The following CR2 variants were observed in gnomAD, a reference collection of about 807,000 sequenced individuals.
CR2 encodes complement receptor type 2.
A neutral mutation model predicts 123.0 loss-of-function variants in CR2; 96 were observed. The observed-to-expected ratio is 0.78, with a 90% CI of 0.66 to 0.93. CR2 has a LOEUF of 0.93. CR2 is among the 40% of genes least tolerant of loss of function. CR2 has a pLI of 0.00. For synonymous variants in CR2, 484 were observed against 469.5 expected (o/e 1.03, Z -0.40); for missense variants, 1,258 against 1,361.0 (o/e 0.92, Z 1.19).
chr1:207,487,571 GT>G (rs934451222), intron 19 of CR2, among the ~76,000 whole-genome samples: 2 of 152,142 alleles, frequency 1.3e-5, no homozygotes, highest in Non-Finnish European at 2.9e-5. Context: ...CTCTTTCTAG[GT>G]TTTTTTCTAT....
In CR2 at chr1:207,475,233, G is replaced by A. The variant is rs1449954370; in HGVS notation, c.2716+17G>A. On this transcript the variant is annotated intron_variant, in intron 14 of 19. Coordinates refer to ENST00000367057, the MANE Select transcript of CR2 (RefSeq NM_001006658.3). ...TCAAAAAAGGTAAGATACTTGGAAG[G>A]GATAAGTTATGGGATGTTGTACAGA... 1 of 1,613,590 alleles carries A rather than the reference G, an allele frequency of 6.2e-7. No homozygotes were observed. The highest frequency in any genetic ancestry group is 2.2e-5 in the East Asian group (1 of 44,878).
chr1:207,455,475 A>G (rs1170630748), intron 1 of CR2, among the ~76,000 whole-genome samples: 1 of 152,236 alleles, frequency 6.6e-6, no homozygotes, highest in Non-Finnish European at 1.5e-5. Flanking sequence ...CCTCCTGTAC[A>G]GACTTGATTT....
chr1:207,461,753 A>G (rs1289374677), intron 1 of CR2, among the ~76,000 whole-genome samples: 1 of 152,168 alleles, frequency 6.6e-6, no homozygotes, highest in Non-Finnish European at 1.5e-5. Context: ...TCACCTCCCT[A>G]GAGATCTTCA....
At chr1:207,482,741 G>A (rs377461756) in intron 18 of CR2, among the ~76,000 whole-genome samples, 6 of 152,264 alleles carry the variant, frequency 3.9e-5, no homozygotes, top group South Asian at 4.1e-4. Flanking sequence ...AAGTTTCAGC[G>A]TGGAAGAGAT....
rs894492595 is a variant in CR2, at chr1:207,470,590, A to G, written c.1226-150A>G. Reference sequence around the variant, plus strand: ...AAAGATTGGGAAACTGTGATCTAAAATTACCCAAAGCTGGTCTGCAACATA... The same window carrying G: ...AAAGATTGGGAAACTGTGATCTAAAGTTACCCAAAGCTGGTCTGCAACATA... On this transcript the variant is annotated intron_variant, in intron 6 of 19. Coordinates refer to ENST00000367057, the MANE Select transcript of CR2 (RefSeq NM_001006658.3). 4.0e-6 allele frequency: 3 copies of G among 742,294 alleles called. No homozygotes were observed. In the Admixed American group the frequency reaches 7.6e-5, roughly 19 times the overall value. 46.0% of individuals were successfully genotyped at this position (742,294 alleles called of 1,614,324 possible).
At chr1:207,459,450 C>A (rs1657914986) in intron 1 of CR2, among the ~76,000 whole-genome samples, 2 of 152,010 alleles carry the variant, frequency 1.3e-5, no homozygotes, top group Non-Finnish European at 2.9e-5. Flanking sequence ...TTATCAGTCT[C>A]AATAATGATT....
At chr1:207,477,652 T>C (rs1658479359) in intron 15 of CR2, among the ~76,000 whole-genome samples, 2 of 152,108 alleles carry the variant, frequency 1.3e-5, no homozygotes, top group Non-Finnish European at 2.9e-5. Flanking sequence ...GGATAGAAAC[T>C]GAAGCAAAAA....
At position 207,461,455 on chromosome 1, in the gene CR2, A is replaced by G. The variant is rs1248977317; in HGVS notation, c.59-5071A>G. Among the ~76,000 whole-genome samples the G allele has an allele frequency of 5.3e-5, 8 of 152,176 alleles. No homozygotes were observed. In the South Asian group the frequency reaches 1.0e-3, roughly 20 times the overall value. On this transcript the variant is annotated intron_variant, in intron 1 of 19. Coordinates refer to ENST00000367057, the MANE Select transcript of CR2 (RefSeq NM_001006658.3). The stretch of plus-strand genomic sequence containing the variant: ...TCTGTGTATATTCACCCTTACTGCA[A>G]TGATATGCATTCTTCATTCCATAAA...
chr1:207,487,062 G>C (rs747180386), intron 19 of CR2, among the ~76,000 whole-genome samples: 2 of 152,142 alleles, frequency 1.3e-5, no homozygotes, highest in South Asian at 2.1e-4. Context: ...AAAAAGAAAA[G>C]GTCCAAGTAC....
At chr1:207,458,977 A>ATATT (rs904298534) in intron 1 of CR2, among the ~76,000 whole-genome samples, 3 of 151,996 alleles carry the variant, frequency 2.0e-5, no homozygotes, top group African/African-American at 7.2e-5. Flanking sequence ...AAAAAAAAAG[A>ATATT]TATTTGTTTG....
chr1:207,461,468 T>C (rs1657964420), intron 1 of CR2, among the ~76,000 whole-genome samples: 2 of 152,206 alleles, frequency 1.3e-5, no homozygotes, highest in South Asian at 4.1e-4. Flanking sequence ...ATATGCATTC[T>C]TCATTCCATA....
intron 17 of CR2, 84 bp from the exon 18 acceptor site, chr1:207,479,894 C>G (rs753295489): frequency 3.1e-6 from 3 of 968,850 alleles, no homozygotes; most frequent in Middle Eastern, 2.1e-4. Flanking sequence ...TTTTCCCCAC[C>G]ACTAGCAATA....
At chr1:207,459,694 C>CA (rs1657921800) in intron 1 of CR2, among the ~76,000 whole-genome samples, 2 of 152,286 alleles carry the variant, frequency 1.3e-5, no homozygotes, top group Non-Finnish European at 2.9e-5. Context: ...ATCTTCAATC[C>CA]AGTCATGATC....
At position 207,468,703 on chromosome 1, in the gene CR2, C is replaced by T. The variant is rs769415969; in HGVS notation, c.622C>T (p.Pro208Ser). 1.3e-5 allele frequency: 21 copies of T among 1,613,990 alleles called. No homozygotes were observed. Among genetic ancestry groups the T allele is most frequent in the South Asian group, 3.3e-5 (3 of 91,082 alleles). The change falls in exon 3 of 20, where the codon CCC (proline) becomes TCC (serine). Residue 208 changes from proline to serine, a missense_variant. Coordinates refer to ENST00000367057, the MANE Select transcript of CR2 (RefSeq NM_001006658.3). ...TTCGGGAAAATGGAGTGCTGTCCCC[C>T]CCACATGTGAAGGTACCCTAAATTT... The part of the protein sequence containing the change: ...LSSGKWSAVP[P>S]TCEEARCKSL...
intron 19 of CR2, among the ~76,000 whole-genome samples, chr1:207,488,937 A>G (rs1161396275): frequency 6.6e-6 from 1 of 152,222 alleles, no homozygotes; most frequent in East Asian, 1.9e-4. Context: ...TGTTTATATG[A>G]ATGTATATAA....
At chr1:207,460,142 C>T (rs553168839) in intron 1 of CR2, among the ~76,000 whole-genome samples, 10 of 152,254 alleles carry the variant, frequency 6.6e-5, no homozygotes, top group African/African-American at 2.4e-4. Flanking sequence ...AGTCACTTGA[C>T]TAGAGTCACT....
chr1:207,471,101 G>A lies in CR2; in HGVS notation c.1493+14G>A. The A allele has an allele frequency of 6.2e-7, 1 of 1,612,440 alleles. No homozygotes were observed. Among genetic ancestry groups the A allele is most frequent in the Non-Finnish European group, 8.5e-7 (1 of 1,178,940 alleles). ...TTGTGGTGAAGGGTGAGTGAAGGCT[G>A]ACTTAGTCTGACCCAATTCCGGTGT... On this transcript the variant is annotated intron_variant, in intron 8 of 19. Coordinates refer to ENST00000367057, the MANE Select transcript of CR2 (RefSeq NM_001006658.3).
chr1:207,475,024 C>T lies in CR2; in HGVS notation c.2524C>T (p.Pro842Ser), dbSNP rs759726055. The change falls in exon 14 of 20, where the codon CCT (proline) becomes TCT (serine). Residue 842 changes from proline to serine, a missense_variant. Physicochemically the swap from Pro to Ser is moderately conservative, Grantham distance 74 (BLOSUM62 -1). Transcript: ENST00000367057. ...GCCTTCCCCACAGTGCTTACGATCT[C>T]CTCCTGTGACTCGCTGCCCTAATCC... is the stretch of plus-strand genomic sequence containing the variant. ...SGPSPQCLRS[P>S]PVTRCPNPEV... 1.9e-6 allele frequency: 3 copies of T among 1,614,098 alleles called. No individual in the cohort carries two copies. The highest frequency in any genetic ancestry group is 2.5e-6 in the Non-Finnish European group (3 of 1,179,984).
Position 207,470,115 on chromosome 1 carries a change from G to T in CR2, c.1225+13G>T. 1.9e-6 allele frequency: 3 copies of T among 1,613,024 alleles called. No homozygotes were observed. The highest frequency in any genetic ancestry group is 2.7e-5 in the African/African-American group (2 of 74,968). ...GTCTGTGAAAAGGGTGAGTGTTCCGGTACTCAGAAAAGGTGCTTCTGATTC... is the reference window on the plus strand; with the variant it reads ...GTCTGTGAAAAGGGTGAGTGTTCCGTTACTCAGAAAAGGTGCTTCTGATTC... On this transcript the variant is annotated intron_variant, in intron 6 of 19. Transcript: ENST00000367057.
Sources: gnomAD v4.1 joint callset for allele counts (sites outside exome capture counted in the v4.1 genomes callset) on GRCh38, gnomAD v4.1.1 for gene constraint, MANE v1.5 for transcripts, NCBI Gene and HGNC (gene_info 2026-07-23, HGNC 2026-07-21) for gene names.